Variants in MTMR7 observed in about 807,000 individuals in gnomAD.
The protein encoded by MTMR7 is myotubularin related protein 7, also known as phosphatidylinositol-3-phosphate phosphatase MTMR7.
A neutral mutation model predicts 81.2 loss-of-function variants in MTMR7; 76 were observed. The observed-to-expected ratio is 0.94, with a 90% CI of 0.78 to 1.13. MTMR7 has a LOEUF of 1.13. Among genes scored for constraint, MTMR7 ranks in the 50% most tolerant of loss-of-function variants. The pLI is 0.00. For synonymous variants in MTMR7, 372 were observed against 289.8 expected (o/e 1.28, Z -2.88); for missense variants, 1,044 against 820.0 (o/e 1.27, Z -3.34).
At chr8:17,400,498 C>T (rs532602143) in intron 1 of MTMR7, among the ~76,000 whole-genome samples, 1 of 152,316 alleles carries the variant, frequency 6.6e-6, no homozygotes, top group Admixed American at 6.5e-5. Flanking sequence ...CCTTACAATG[C>T]TATCTCCAGG....
At chr8:17,350,127 G>A (rs1171960048) in intron 4 of MTMR7, among the ~76,000 whole-genome samples, 8 of 152,168 alleles carry the variant, frequency 5.3e-5, no homozygotes, top group South Asian at 2.1e-4. Flanking sequence ...CAGTCTTTTC[G>A]CAATGTGAAG....
chr8:17,304,969 G>C (rs540254776), intron 11 of MTMR7, among the ~76,000 whole-genome samples: 1 of 152,052 alleles, frequency 6.6e-6, no homozygotes, highest in African/African-American at 2.4e-5. Flanking sequence ...CTAGTAAGTG[G>C]AAAAGCCATA....
At chr8:17,408,619 C>T (rs12548065) in intron 1 of MTMR7, among the ~76,000 whole-genome samples, 96,639 of 151,818 alleles carry the variant, frequency 0.64, 31,083 homozygotes, top group East Asian at 0.89. Flanking sequence ...TTGGATAAGA[C>T]AATGAATGAG....
intron 6 of MTMR7, among the ~76,000 whole-genome samples, chr8:17,340,196 A>G (rs147970893): frequency 0.072 from 11,022 of 152,200 alleles, 732 homozygotes; most frequent in East Asian, 0.31. Flanking sequence ...CAGATGATCC[A>G]CCTGCCTTCG....
intron 1 of MTMR7, among the ~76,000 whole-genome samples, chr8:17,405,514 G>A (rs527795040): frequency 1.3e-5 from 2 of 152,240 alleles, no homozygotes; most frequent in African/African-American, 2.4e-5. Flanking sequence ...CACATAAACA[G>A]GATGCAAGTA....
intron 6 of MTMR7, among the ~76,000 whole-genome samples, chr8:17,335,125 A>G (rs1319520460): frequency 6.6e-6 from 1 of 152,180 alleles, no homozygotes; most frequent in Admixed American, 6.5e-5. Context: ...TTTAGTGTCC[A>G]CAACAGAGAA....
chr8:17,370,057 T>C (rs1019148373), intron 3 of MTMR7, among the ~76,000 whole-genome samples: 23 of 151,528 alleles, frequency 1.5e-4, no homozygotes, highest in African/African-American at 5.6e-4. Flanking sequence ...GAGCCCAAGA[T>C]GACGGCTGGA....
intron 5 of MTMR7, among the ~76,000 whole-genome samples, chr8:17,347,583 T>A (rs1819597251): frequency 6.6e-6 from 1 of 152,308 alleles, no homozygotes; most frequent in Middle Eastern, 3.4e-3. Flanking sequence ...CAGAAGTATA[T>A]TATCTAGCTT....
chr8:17,376,394 G>A (rs1157770473), intron 1 of MTMR7, among the ~76,000 whole-genome samples: 1 of 152,172 alleles, frequency 6.6e-6, no homozygotes, highest in Non-Finnish European at 1.5e-5. Context: ...ATGCTGCTAT[G>A]TACTTTTGAG....
intron 3 of MTMR7, among the ~76,000 whole-genome samples, chr8:17,364,832 T>G (rs192777341): frequency 3.3e-5 from 5 of 152,386 alleles, no homozygotes; most frequent in Admixed American, 2.6e-4. Context: ...GATACTTAAG[T>G]TGATTCCACA....
chr8:17,372,951 A>T, intron 2 of MTMR7, 167 bp downstream of exon 2: 1 of 694,390 alleles, frequency 1.4e-6, no homozygotes. Context: ...TCGATCAAGT[A>T]GATACGACTG....
At chr8:17,361,404 G>T (rs748983408) in intron 3 of MTMR7, 130 bp from the exon 4 acceptor site, 5 of 928,002 alleles carry the variant, frequency 5.4e-6, no homozygotes, top group Non-Finnish European at 8.3e-6. Context: ...GCACACTCTT[G>T]GGAGTAACCT....
intron 1 of MTMR7, among the ~76,000 whole-genome samples, chr8:17,413,003 T>A (rs1821777984): frequency 6.6e-6 from 1 of 152,198 alleles, no homozygotes; most frequent in Admixed American, 6.5e-5. Context: ...TGAGGTTCCC[T>A]CCCGTTCACC....
chr8:17,329,516 G>A (rs1375811746), intron 7 of MTMR7, among the ~76,000 whole-genome samples: 6 of 152,124 alleles, frequency 3.9e-5, no homozygotes, highest in African/African-American at 2.4e-5. Context: ...TTCCTGACGA[G>A]AAACCAAAGA....
In MTMR7 at chr8:17,371,120, T is replaced by C. The variant is rs1387384693; in HGVS notation, c.227A>G (p.Asn76Ser). 1 of 1,614,220 alleles carries C rather than the reference T, an allele frequency of 6.2e-7. No homozygotes were observed. The highest frequency in any genetic ancestry group is 2.2e-5 in the East Asian group (1 of 44,886). Residue 76 changes from asparagine to serine, a missense_variant, in exon 3 of 14, where the codon AAC (asparagine) becomes AGC (serine). Transcript: ENST00000180173. ...TATGATGAGCTGTATTATCTGAAAG[T>C]TCTTGCAGCGAATCAGCAGAGGGCA... ...TGCPLLIRCK[N>S]FQIIQLIIPQ...
chr8:17,362,000 C>T (rs1002591404), intron 3 of MTMR7, among the ~76,000 whole-genome samples: 3 of 152,092 alleles, frequency 2.0e-5, no homozygotes, highest in Non-Finnish European at 4.4e-5. Flanking sequence ...CCCAATAGCC[C>T]CACTGTTTCC....
intron 7 of MTMR7, among the ~76,000 whole-genome samples, chr8:17,319,401 G>A (rs1225559435): frequency 6.6e-6 from 1 of 152,188 alleles, no homozygotes; most frequent in African/African-American, 2.4e-5. Flanking sequence ...GGAGGAAGGA[G>A]CTGTTAGACT....
intron 1 of MTMR7, among the ~76,000 whole-genome samples, chr8:17,380,678 T>C (rs981656568): frequency 6.6e-6 from 1 of 152,092 alleles, no homozygotes; most frequent in African/African-American, 2.4e-5. Flanking sequence ...AGAGCTAAGG[T>C]CTGTCTAACT....
chr8:17,343,191 C>T (rs567206291), intron 5 of MTMR7, among the ~76,000 whole-genome samples: 1 of 152,216 alleles, frequency 6.6e-6, no homozygotes, highest in South Asian at 2.1e-4. Context: ...CTTTGGGAGG[C>T]CGAGGCGGGG....
Sources: allele counts gnomAD v4.1 joint callset (sites outside exome capture counted in the v4.1 genomes callset), GRCh38; gene constraint gnomAD v4.1.1; transcripts MANE v1.5; gene names NCBI Gene and HGNC (gene_info 2026-07-23, HGNC 2026-07-21).